Variants in PYGB observed in about 807,000 individuals in gnomAD.
PYGB encodes glycogen phosphorylase B.
PYGB carries 82 observed loss-of-function variants against 94.3 expected under a neutral mutation model. The ratio of observed to expected loss-of-function variants is 0.87; its 90% CI spans 0.73 to 1.04. PYGB has a LOEUF of 1.04. PYGB is among the 50% of genes least tolerant of loss of function. The pLI, the probability that PYGB is intolerant of heterozygous loss-of-function variation, is 0.00. For synonymous variants in PYGB, 488 were observed against 479.1 expected, an observed-to-expected ratio of 1.02 and a Z score of -0.24; for missense variants, 1,132 against 1,158.2, an observed-to-expected ratio of 0.98 and a Z score of 0.33.
rs557026982 is a variant in PYGB at position 25,292,539 on chromosome 20, C to T, written c.2103C>T (p.Ala701=). 11 of 1,613,416 alleles carry T rather than the reference C, an allele frequency of 6.8e-6. No individual in the cohort carries two copies. The highest frequency in any genetic ancestry group is 1.6e-4 in the Middle Eastern group (1 of 6,062). ...GTMDGANVEM[A]EEAGAENLFI... ...TGGACGGCGCCAACGTGGAGATGGCCGAGGAGGCCGGGGCCGAGAACCTCT... is the reference window on the plus strand; with the variant it reads ...TGGACGGCGCCAACGTGGAGATGGCTGAGGAGGCCGGGGCCGAGAACCTCT... Residue 701 remains alanine (A), a synonymous_variant, in exon 17 of 20, where the codon GCC becomes GCT. Transcript: ENST00000216962.
At chr20:25,292,756 C>CT in intron 17 of PYGB, 143 bp downstream of exon 17, 1 of 1,139,238 alleles carries the variant, frequency 8.8e-7, no homozygotes, top group Non-Finnish European at 1.2e-6. Flanking sequence ...GTGTGCCTGC[C>CT]TGCAGGGGTG....
At position 25,278,666 on chromosome 20, in the gene PYGB, C is replaced by G. The variant is rs143191221; in HGVS notation, c.999+204C>G. ...CCGGCCTTGTTAGGAGTCAGGTCAG[C>G]AAGGGACATGGTGAAAGGCTCCTGT... On this transcript the variant is annotated intron_variant, in intron 8 of 19. Coordinates refer to ENST00000216962, the MANE Select transcript of PYGB (RefSeq NM_002862.4). 5.2e-3 allele frequency among the ~76,000 whole-genome samples: 794 copies of G among 152,322 alleles called. 3 individuals are homozygous for G. Among genetic ancestry groups the G allele is most frequent in the African/African-American group, 0.018 (758 of 41,574 alleles).
chr20:25,271,316 G>A, intron 3 of PYGB, 67 bp from the exon 4 acceptor site: 1 of 1,476,278 alleles, frequency 6.8e-7, no homozygotes, highest in Non-Finnish European at 9.5e-7. Flanking sequence ...CGCCCTGTGG[G>A]CTGCCTCCGC....
intron 19 of PYGB, 22 bp downstream of exon 19, chr20:25,295,692 G>C: frequency 6.2e-7 from 1 of 1,600,378 alleles, no homozygotes. Context: ...GGGTCCAGAG[G>C]CTAGGGGAGC....
intron 3 of PYGB, among the ~76,000 whole-genome samples, chr20:25,269,751 T>C (rs557518280): frequency 7.2e-5 from 11 of 152,330 alleles, no homozygotes; most frequent in African/African-American, 2.6e-4. Context: ...CAGCCTCTTT[T>C]GTCCCCATCT....
chr20:25,276,614 A>T (rs1203581337), intron 5 of PYGB, 32 bp from the exon 6 acceptor site: 24 of 1,589,770 alleles, frequency 1.5e-5, no homozygotes, highest in Non-Finnish European at 2.0e-5. Context: ...GGCCCTTGCC[A>T]CTCCGTCCTG....
chr20:25,287,397 T>A (rs1477057350), intron 14 of PYGB, among the ~76,000 whole-genome samples: 2 of 152,164 alleles, frequency 1.3e-5, no homozygotes. Flanking sequence ...GTAATCCCAG[T>A]GATTTGGGAG....
chr20:25,292,929 A>AG (rs1298284727), intron 17 of PYGB, among the ~76,000 whole-genome samples: 1 of 151,716 alleles, frequency 6.6e-6, no homozygotes, highest in East Asian at 1.9e-4. Flanking sequence ...GGTCTCCTAG[A>AG]GGGACACCCC....
intron 1 of PYGB, among the ~76,000 whole-genome samples, chr20:25,248,716 T>G (rs867054957): frequency 1.3e-4 from 18 of 138,698 alleles, no homozygotes; most frequent in Admixed American, 2.7e-4. Context: ...ACGTTCCCGG[T>G]CTCTTTCTGG....
At chr20:25,282,172 C>T in intron 12 of PYGB, 25 bp downstream of exon 12, 1 of 1,568,374 alleles carries the variant, frequency 6.4e-7, no homozygotes. Flanking sequence ...CCACCCGTGC[C>T]TGTGGAGATG....
intron 9 of PYGB, 101 bp from the exon 10 acceptor site, chr20:25,280,165 A>C: frequency 7.0e-7 from 1 of 1,423,532 alleles, no homozygotes; most frequent in Non-Finnish European, 9.7e-7. Flanking sequence ...TGGGGTACCC[A>C]GCATCTGCCT....
chr20:25,261,971 G>A (rs2092914580), intron 2 of PYGB, among the ~76,000 whole-genome samples: 1 of 152,160 alleles, frequency 6.6e-6, no homozygotes, highest in Non-Finnish European at 1.5e-5. Context: ...CAAGAAATAT[G>A]GGACTATGTG....
In PYGB at chr20:25,290,588, C is replaced by T. The variant is rs2088457812; in HGVS notation, c.1935C>T (p.Phe645=). The T allele has an allele frequency of 6.2e-7, 1 of 1,608,582 alleles. No homozygotes were observed. The highest frequency in any genetic ancestry group is 1.7e-5 in the Admixed American group (1 of 59,916). ...TGGGTGACAGGTTGAAAGTGATCTT[C>T]CTGGAGAACTACCGTGTGTCCTTGG... ...PVVGDRLKVI[F]LENYRVSLAE... is the part of the protein sequence containing the mutation. Residue 645 remains phenylalanine, a synonymous_variant, in exon 16 of 20, where the codon TTC becomes TTT. Transcript: ENST00000216962.
At chr20:25,257,369 C>T (rs569022306) in intron 1 of PYGB, among the ~76,000 whole-genome samples, 7 of 152,236 alleles carry the variant, frequency 4.6e-5, no homozygotes, top group Admixed American at 2.0e-4. Flanking sequence ...CAATTGGAGA[C>T]GCACAGGCTT....
At chr20:25,284,579 C>T (rs1023248484) in intron 14 of PYGB, among the ~76,000 whole-genome samples, 7 of 152,322 alleles carry the variant, frequency 4.6e-5, no homozygotes, top group African/African-American at 1.2e-4. Flanking sequence ...GGACTACAGG[C>T]GCACGCCACT....
rs1600750443 is a variant in PYGB, at chr20:25,296,581, C to CTTTT, written c.*62_*65dup. 8 of 1,552,604 alleles carry CTTTT rather than the reference C, an allele frequency of 5.2e-6. No individual in the cohort carries two copies. Among genetic ancestry groups the CTTTT allele is most frequent in the Non-Finnish European group, 7.0e-6 (8 of 1,149,358 alleles). ...TGTTTTCTTGCTGACTTTGCACCTCCTTTTTTCCCCAAACACTTTGCCAGC... is the reference window on the plus strand; with the variant it reads ...TGTTTTCTTGCTGACTTTGCACCTCCTTTTTTTTTTCCCCAAACACTTTGCCAGC... On this transcript the variant is annotated 3_prime_UTR_variant, in exon 20 of 20. Transcript: ENST00000216962.
At chr20:25,275,580 G>T (rs2088304089) in intron 5 of PYGB, among the ~76,000 whole-genome samples, 1 of 152,372 alleles carries the variant, frequency 6.6e-6, no homozygotes, top group African/African-American at 2.4e-5. Flanking sequence ...TCGAGTGGCT[G>T]GGGCCATGCC....
Position 25,297,093 on chromosome 20 carries a change from C to G in PYGB, c.*571C>G, listed in dbSNP as rs2088559363. ...CTGCCCCCTGCCCTCTGTCCTGGCT[C>G]TGCACCTGGTATATGGGTCATGGAC... is the stretch of plus-strand genomic sequence containing the variant. On this transcript the variant is annotated 3_prime_UTR_variant, in exon 20 of 20. Transcript: ENST00000216962. The G allele has an allele frequency of 6.3e-6, 1 of 158,018 alleles. No individual in the cohort carries two copies. Among genetic ancestry groups the G allele is most frequent in the South Asian group, 1.9e-4 (1 of 5,274 alleles). The allele number at this position is 158,018 out of a possible 1,614,324, so 9.8% of individuals were successfully genotyped here. A position where few individuals can be genotyped will look rare whatever the true frequency, so the allele number is the denominator to read the frequency against.
chr20:25,257,037 G>C (rs8115188), intron 1 of PYGB, among the ~76,000 whole-genome samples: 1 of 152,176 alleles, frequency 6.6e-6, no homozygotes, highest in Non-Finnish European at 1.5e-5. Flanking sequence ...AGGTCACCCA[G>C]CTAGCCAGGG....
Sources: allele counts gnomAD v4.1 joint callset (sites outside exome capture counted in the v4.1 genomes callset), GRCh38; gene constraint gnomAD v4.1.1; transcripts MANE v1.5; gene names NCBI Gene and HGNC (gene_info 2026-07-23, HGNC 2026-07-21).